The following ITFG1 variants were observed in gnomAD, a reference collection of about 807,000 sequenced individuals.
ITFG1 encodes T-cell immunomodulatory protein.
ITFG1 carries 34 observed loss-of-function variants against 81.8 expected under a neutral mutation model. The ratio of observed to expected loss-of-function variants is 0.42; its 90% confidence interval spans 0.32 to 0.55. The LOEUF (loss-of-function observed/expected upper bound fraction) is 0.55. ITFG1 is among the 20% of genes least tolerant of loss of function. ITFG1 has a pLI of 0.17. For synonymous variants in ITFG1, 285 were observed against 270.6 expected, an observed-to-expected ratio of 1.05 and a Z score of -0.52; for missense variants, 672 against 755.4, an observed-to-expected ratio of 0.89 and a Z score of 1.29.
intron 10 of ITFG1, among the ~76,000 whole-genome samples, chr16:47,293,853 A>G (rs1966946702): frequency 6.6e-6 from 1 of 152,134 alleles, no homozygotes; most frequent in Non-Finnish European, 1.5e-5. Context: ...TTTGCTGTGC[A>G]GAAGCTTTTT....
intron 13 of ITFG1, among the ~76,000 whole-genome samples, chr16:47,232,537 G>C (rs1194628098): frequency 6.6e-6 from 1 of 152,078 alleles, no homozygotes; most frequent in Non-Finnish European, 1.5e-5. Context: ...TCTAGGGGGA[G>C]GATGGGTAGT....
At chr16:47,440,145 A>G (rs892330960) in intron 5 of ITFG1, among the ~76,000 whole-genome samples, 1 of 152,206 alleles carries the variant, frequency 6.6e-6, no homozygotes, top group Admixed American at 6.5e-5. Context: ...ACTATCCTAA[A>G]TATATATGCA....
chr16:47,411,859 G>A (rs898615217), intron 6 of ITFG1, among the ~76,000 whole-genome samples: 5 of 152,120 alleles, frequency 3.3e-5, no homozygotes, highest in South Asian at 2.1e-4. Flanking sequence ...CAAAAGAGGC[G>A]CACTGCTGAG....
chr16:47,293,198 A>ATC (rs1249573366), intron 10 of ITFG1, among the ~76,000 whole-genome samples: 2 of 147,220 alleles, frequency 1.4e-5, no homozygotes, highest in African/African-American at 2.5e-5. Flanking sequence ...TATATTATAT[A>ATC]TCATATATAA....
intron 14 of ITFG1, among the ~76,000 whole-genome samples, chr16:47,163,506 G>C (rs1964841038): frequency 6.6e-6 from 1 of 152,098 alleles, no homozygotes; most frequent in Non-Finnish European, 1.5e-5. Flanking sequence ...ACTCCACTTT[G>C]TTATATATAC....
chr16:47,348,735 A>G (rs930884225), intron 8 of ITFG1, among the ~76,000 whole-genome samples: 1 of 152,220 alleles, frequency 6.6e-6, no homozygotes, highest in Admixed American at 6.5e-5. Flanking sequence ...CCTTGAGAAC[A>G]GCAACTCCAA....
intron 8 of ITFG1, among the ~76,000 whole-genome samples, chr16:47,337,527 G>A (rs965275007): frequency 3.9e-5 from 6 of 152,094 alleles, no homozygotes; most frequent in South Asian, 2.1e-4. Context: ...CCAAGGTCGC[G>A]TCACTGCACT....
intron 14 of ITFG1, among the ~76,000 whole-genome samples, chr16:47,182,245 A>G (rs954039894): frequency 5.9e-5 from 9 of 152,126 alleles, no homozygotes; most frequent in African/African-American, 2.2e-4. Context: ...TAAAATGGGC[A>G]AATATGTATT....
chr16:47,199,491 T>G (rs1189961413), intron 14 of ITFG1, among the ~76,000 whole-genome samples: 1 of 152,218 alleles, frequency 6.6e-6, no homozygotes, highest in Non-Finnish European at 1.5e-5. Flanking sequence ...ACCTTTTCTA[T>G]GTTTAGGTAT....
chr16:47,424,848 C>T (rs915718569), intron 6 of ITFG1, among the ~76,000 whole-genome samples: 8 of 152,096 alleles, frequency 5.3e-5, no homozygotes, highest in Non-Finnish European at 1.0e-4. Flanking sequence ...AGGTGTCTGT[C>T]GGCTCCTGCT....
chr16:47,443,304 T>G lies in ITFG1; in HGVS notation c.560+8092A>C, dbSNP rs1969278822. ...AACACTTTTACACTGTTGGTGGGAG[T>G]GTAAACTAGTTCAACCATTGTGGAA... On this transcript the variant is annotated intron_variant, in intron 5 of 17. Transcript: ENST00000320640. Among the ~76,000 whole-genome samples the G allele has an allele frequency of 2.6e-5, 4 of 152,058 alleles. No individual in the cohort carries two copies. The South Asian group carries it at 8.3e-4, about 32-fold the overall frequency.
chr16:47,302,002 A>C (rs1967084031), intron 10 of ITFG1, among the ~76,000 whole-genome samples: 1 of 151,868 alleles, frequency 6.6e-6, no homozygotes, highest in Non-Finnish European at 1.5e-5. Flanking sequence ...AACCATATAG[A>C]TGTGACCTTG....
intron 13 of ITFG1, among the ~76,000 whole-genome samples, chr16:47,233,245 C>T (rs1965836334): frequency 6.6e-6 from 1 of 152,180 alleles, no homozygotes; most frequent in Non-Finnish European, 1.5e-5. Flanking sequence ...GGTCACAGGA[C>T]AAACTGCTAC....
chr16:47,376,005 GA>G (rs567647736), intron 6 of ITFG1, 65 bp from the exon 7 acceptor site: 68 of 807,610 alleles, frequency 8.4e-5, no homozygotes, highest in South Asian at 2.4e-4. Flanking sequence ...TTTAAAAACA[GA>G]AAAAAAATGC....
chr16:47,333,713 C>T (rs1487322125), intron 8 of ITFG1, among the ~76,000 whole-genome samples: 1 of 152,190 alleles, frequency 6.6e-6, no homozygotes, highest in Non-Finnish European at 1.5e-5. Context: ...CCGTACTTCC[C>T]TATGGTCAGT....
intron 5 of ITFG1, among the ~76,000 whole-genome samples, chr16:47,450,738 A>C (rs764434153): frequency 6.6e-6 from 1 of 152,178 alleles, no homozygotes; most frequent in African/African-American, 2.4e-5. Flanking sequence ...ACAGAAAAAA[A>C]ATTAACCGGG....
Position 47,313,729 on chromosome 16 carries a change from C to G in ITFG1, c.897G>C (p.Gln299His). 1 of 1,532,388 alleles carries G rather than the reference C, an allele frequency of 6.5e-7. No individual in the cohort carries two copies. The highest frequency in any genetic ancestry group is 8.9e-7 in the Non-Finnish European group (1 of 1,121,680). 94.9% of individuals were successfully genotyped at this position (1,532,388 alleles called of 1,614,324 possible). The change falls in exon 9 of 18, where the codon CAG (glutamine) becomes CAC (histidine). Residue 299 changes from glutamine (Q) to histidine (H), a missense_variant and splice_region_variant. Around this residue, in one of 3 missense-constraint regions of ITFG1, gnomAD observed 560 missense variants for 625.7 expected, o/e 0.90. Transcript: ENST00000320640. The stretch of plus-strand genomic sequence containing the variant: ...TTACATTAAAAACAACTTGATATAC[C>G]TGCTTCATCCCAGATCTCACTAAGT... Reference protein sequence around the residue: ...TIYLVRSGMKQWVPVLQDFSN... With the variant: ...TIYLVRSGMKHWVPVLQDFSN...
intron 10 of ITFG1, among the ~76,000 whole-genome samples, chr16:47,269,709 G>C (rs895609652): frequency 6.6e-6 from 1 of 152,054 alleles, no homozygotes; most frequent in African/African-American, 2.4e-5. Context: ...TCCCCAAATT[G>C]ACCTATAGTT....
intron 10 of ITFG1, chr16:47,263,035 C>G (rs544011709): frequency 1.0e-4 from 22 of 212,626 alleles, no homozygotes; most frequent in African/African-American, 5.1e-4. Context: ...GGAACTGTAG[C>G]TTCTGAGAAT....
Sources: gnomAD v4.1 joint callset for allele counts (sites outside exome capture counted in the v4.1 genomes callset) on GRCh38, gnomAD v4.1.1 for gene constraint, gnomAD v4.1.1 regional missense constraint, MANE v1.5 for transcripts, NCBI Gene and HGNC (gene_info 2026-07-23, HGNC 2026-07-21) for gene names.